PTPN4: variants seen among roughly 807,000 people sequenced by gnomAD.
PTPN4 encodes tyrosine-protein phosphatase non-receptor type 4.
In PTPN4, 49 loss-of-function variants were observed where a neutral mutation model predicts 135.5. The ratio of observed to expected loss-of-function variants is 0.36; its 90% confidence interval spans 0.29 to 0.46. The LOEUF (loss-of-function observed/expected upper bound fraction) is 0.46, where lower values mean the gene tolerates loss of function less well. Among genes scored for constraint, PTPN4 ranks in the 20% least tolerant of loss-of-function variants. The pLI, the probability that PTPN4 is intolerant of heterozygous loss-of-function variation, is 1.00. For missense variants in PTPN4, 860 were observed against 1,101.0 expected (o/e 0.78, Z 3.10); for synonymous variants, 333 against 369.9 (o/e 0.90, Z 1.14).
chr2:119,978,662 T>C lies in PTPN4; in HGVS notation c.*1592T>C, dbSNP rs1679651276. ...GTGAAAATTTGCTCACCTATACAAA[T>C]GTTATTTTACACAATTATTTTATGT... On this transcript the variant is annotated 3_prime_UTR_variant, in exon 27 of 27. Coordinates refer to ENST00000263708, the MANE Select transcript of PTPN4 (RefSeq NM_002830.4). 6.6e-6 allele frequency: 1 copy of C among 152,140 alleles called. No individual in the cohort carries two copies. Among genetic ancestry groups the C allele is most frequent in the Non-Finnish European group, 1.5e-5 (1 of 67,960 alleles). 9.4% of individuals were successfully genotyped at this position (152,140 alleles called of 1,614,324 possible).
chr2:119,796,710 G>A (rs1306047369), intron 1 of PTPN4, among the ~76,000 whole-genome samples: 2 of 152,130 alleles, frequency 1.3e-5, no homozygotes, highest in African/African-American at 2.4e-5. Flanking sequence ...GAACGCAATG[G>A]ACAGCTCATA....
At chr2:119,885,649 A>C (rs1678144711) in intron 8 of PTPN4, 146 bp from the exon 9 acceptor site, 2 of 450,148 alleles carry the variant, frequency 4.4e-6, no homozygotes, top group Non-Finnish European at 7.9e-6. Flanking sequence ...TGCCCTCCAG[A>C]TAAGTTAGAG....
chr2:119,902,105 A>G (rs1484308813), intron 10 of PTPN4, among the ~76,000 whole-genome samples: 1 of 152,230 alleles, frequency 6.6e-6, no homozygotes, highest in Non-Finnish European at 1.5e-5. Context: ...CAGGTTAAAT[A>G]ACCCAAAAAT....
intron 1 of PTPN4, among the ~76,000 whole-genome samples, chr2:119,764,649 T>G (rs1024393704): frequency 6.6e-6 from 1 of 152,104 alleles, no homozygotes; most frequent in South Asian, 2.1e-4. Flanking sequence ...CTTTTTTTTT[T>G]TCTTAAGTTT....
At chr2:119,930,439 A>G (rs1019115079) in intron 13 of PTPN4, among the ~76,000 whole-genome samples, 3 of 152,132 alleles carry the variant, frequency 2.0e-5, no homozygotes, top group Non-Finnish European at 2.9e-5. Flanking sequence ...ATTGCCCTGA[A>G]AATTTGGATA....
At chr2:119,955,100 C>A in intron 19 of PTPN4, 57 bp from the exon 20 acceptor site, 2 of 1,424,614 alleles carry the variant, frequency 1.4e-6, no homozygotes, top group South Asian at 1.3e-5. Flanking sequence ...AAATTCCTAT[C>A]GTGTGAATTC....
At chr2:119,776,333 G>A (rs1247361597) in intron 1 of PTPN4, among the ~76,000 whole-genome samples, 5 of 152,000 alleles carry the variant, frequency 3.3e-5, no homozygotes, top group Admixed American at 2.0e-4. Flanking sequence ...CTGCCACCAC[G>A]CCCGGCTAAT....
chr2:119,848,381 G>C (rs1325995386), intron 2 of PTPN4, among the ~76,000 whole-genome samples: 2 of 151,908 alleles, frequency 1.3e-5, no homozygotes, highest in African/African-American at 2.4e-5. Flanking sequence ...CACCGTGTTA[G>C]CCAGGATGGT....
chr2:119,835,657 C>T (rs546883857), intron 2 of PTPN4, among the ~76,000 whole-genome samples: 6 of 152,288 alleles, frequency 3.9e-5, no homozygotes, highest in East Asian at 1.9e-4. Flanking sequence ...CATTATGGAA[C>T]GAACTGGTTC....
intron 2 of PTPN4, among the ~76,000 whole-genome samples, chr2:119,856,861 C>A (rs551759075): frequency 6.6e-6 from 1 of 152,250 alleles, no homozygotes; most frequent in African/African-American, 2.4e-5. Context: ...AATCCTACTG[C>A]AAATAGTAGA....
intron 1 of PTPN4, among the ~76,000 whole-genome samples, chr2:119,798,393 T>C (rs1052218320): frequency 6.6e-6 from 1 of 152,116 alleles, no homozygotes; most frequent in Non-Finnish European, 1.5e-5. Flanking sequence ...TCTTGAACTC[T>C]GGACCTCAGG....
At chr2:119,899,091 C>G (rs1678366837) in intron 9 of PTPN4, among the ~76,000 whole-genome samples, 1 of 152,172 alleles carries the variant, frequency 6.6e-6, no homozygotes, top group African/African-American at 2.4e-5. Flanking sequence ...GAATACAAAG[C>G]CAGCTACAAT....
At chr2:119,785,391 G>T (rs1472651830) in intron 1 of PTPN4, among the ~76,000 whole-genome samples, 3 of 152,188 alleles carry the variant, frequency 2.0e-5, no homozygotes, top group African/African-American at 7.2e-5. Flanking sequence ...TTAAGTGAGA[G>T]AAATGCTGAT....
At chr2:119,892,199 G>C (rs1678250389) in intron 9 of PTPN4, among the ~76,000 whole-genome samples, 2 of 152,182 alleles carry the variant, frequency 1.3e-5, no homozygotes, top group African/African-American at 4.8e-5. Context: ...TATATTGATA[G>C]AAGTCAGAAT....
intron 15 of PTPN4, 22 bp downstream of exon 15, chr2:119,934,980 T>G: frequency 6.3e-7 from 1 of 1,581,752 alleles, no homozygotes; most frequent in East Asian, 2.2e-5. Context: ...TTTATTTTGC[T>G]TCCTCTGTAT....
chr2:119,884,482 T>C (rs1431440389), intron 8 of PTPN4, among the ~76,000 whole-genome samples: 2 of 152,232 alleles, frequency 1.3e-5, no homozygotes, highest in African/African-American at 2.4e-5. Context: ...GGTTTGCTGA[T>C]TCCTGATCTA....
At chr2:119,844,504 T>G (rs1445517529) in intron 2 of PTPN4, among the ~76,000 whole-genome samples, 1 of 123,070 alleles carries the variant, frequency 8.1e-6, no homozygotes, top group African/African-American at 3.2e-5. Context: ...GACGGGGTGG[T>G]TGCCGGGCAG....
chr2:119,775,090 T>C (rs1690807411), intron 1 of PTPN4, among the ~76,000 whole-genome samples: 1 of 102,510 alleles, frequency 9.8e-6, no homozygotes, highest in Admixed American at 1.4e-4. Context: ...GAAGGTGCCC[T>C]ATTCTGAAAA....
chr2:119,867,313 C>A (rs111769741), intron 3 of PTPN4, among the ~76,000 whole-genome samples: 1 of 151,920 alleles, frequency 6.6e-6, no homozygotes, highest in African/African-American at 2.4e-5. Flanking sequence ...AAAGAAATTG[C>A]TAAGAAAGTA....
Sources: gnomAD v4.1 joint callset for allele counts (sites outside exome capture counted in the v4.1 genomes callset) on GRCh38, gnomAD v4.1.1 for gene constraint, MANE v1.5 for transcripts, NCBI Gene and HGNC (gene_info 2026-07-23, HGNC 2026-07-21) for gene names.